Variants in WDR72 observed in about 807,000 individuals in gnomAD.
WDR72 encodes the protein WD repeat-containing protein 72.
A neutral mutation model predicts 124.2 loss-of-function variants in WDR72; 120 were observed. The ratio of observed to expected loss-of-function variants is 0.97; its 90% CI spans 0.83 to 1.12. The LOEUF (loss-of-function observed/expected upper bound fraction) is 1.12, where lower values mean the gene tolerates loss of function less well. WDR72 is among the 50% of genes most tolerant of loss of function. The pLI is 0.00. For missense variants in WDR72, 1,387 were observed against 1,278.8 expected, an observed-to-expected ratio of 1.08 and a Z score of -1.29; for synonymous variants, 452 against 441.7, an observed-to-expected ratio of 1.02 and a Z score of -0.29.
At chr15:53,753,790 A>G (rs562282773) in intron 1 of WDR72, among the ~76,000 whole-genome samples, 12 of 152,292 alleles carry the variant, frequency 7.9e-5, no homozygotes, top group African/African-American at 2.9e-4. Context: ...CTGAATGCCA[A>G]CTGTGTTCCA....
chr15:53,581,446 T>C (rs1055744130), intron 18 of WDR72, among the ~76,000 whole-genome samples: 2 of 152,096 alleles, frequency 1.3e-5, no homozygotes, highest in Admixed American at 6.6e-5. Flanking sequence ...AGTTGTTTCA[T>C]TTTTACAAAA....
intron 18 of WDR72, among the ~76,000 whole-genome samples, chr15:53,554,681 C>G (rs1393814431): frequency 1.3e-5 from 2 of 152,050 alleles, no homozygotes; most frequent in Non-Finnish European, 2.9e-5. Context: ...TATACATCAG[C>G]TGAACTGTGA....
intron 14 of WDR72, among the ~76,000 whole-genome samples, chr15:53,625,824 G>T (rs995348976): frequency 2.0e-5 from 3 of 151,594 alleles, no homozygotes; most frequent in Non-Finnish European, 4.4e-5. Flanking sequence ...TAATAGGTGT[G>T]AAAGTACAAG....
chr15:53,545,429 A>G (rs1474725237), intron 18 of WDR72, among the ~76,000 whole-genome samples: 1 of 150,424 alleles, frequency 6.6e-6, no homozygotes, highest in East Asian at 1.9e-4. Context: ...TCCCTATTTA[A>G]TAAACGGTGC....
At chr15:53,529,164 A>ATATATATATATATTTTTT (rs59003623) in intron 18 of WDR72, among the ~76,000 whole-genome samples, 3 of 78,168 alleles carry the variant, frequency 3.8e-5, no homozygotes, top group African/African-American at 1.5e-4. Context: ...ATATATATAT[A>ATATATATATATATTTTTT]TTTTTTTTTT....
chr15:53,740,808 T>G (rs148299290), intron 1 of WDR72, among the ~76,000 whole-genome samples: 1 of 152,194 alleles, frequency 6.6e-6, no homozygotes, highest in African/African-American at 2.4e-5. Flanking sequence ...AGGCTAGACT[T>G]AAATTTGAGC....
intron 13 of WDR72, among the ~76,000 whole-genome samples, chr15:53,697,999 A>C (rs2140515993): frequency 6.6e-6 from 1 of 152,244 alleles, no homozygotes; most frequent in African/African-American, 2.4e-5. Context: ...TTAGTAGACA[A>C]GAGCACTTAT....
chr15:53,618,444 G>T (rs1010155479), intron 14 of WDR72, among the ~76,000 whole-genome samples: 2 of 151,822 alleles, frequency 1.3e-5, no homozygotes, highest in Non-Finnish European at 1.5e-5. Flanking sequence ...TACTTTTATT[G>T]CCTCTGTTTT....
rs1445925680 is a variant in WDR72, at chr15:53,516,219, T to C, written c.*1480A>G. 1 of 152,162 alleles carries C rather than the reference T, an allele frequency of 6.6e-6. No homozygotes were observed. Among genetic ancestry groups the C allele is most frequent in the Non-Finnish European group, 1.5e-5 (1 of 68,004 alleles). 9.4% of individuals were successfully genotyped at this position (152,162 alleles called of 1,614,324 possible). ...AATGTAATTTCAAGCAGTAAAATCA[T>C]ATTTTAGGAAACAAAGAATGCACAC... On this transcript the variant is annotated 3_prime_UTR_variant, in exon 20 of 20. Coordinates refer to ENST00000360509, the MANE Select transcript of WDR72 (RefSeq NM_182758.4).
At chr15:53,523,473 C>A in intron 18 of WDR72, 151 bp from the exon 19 acceptor site, 1 of 752,706 alleles carries the variant, frequency 1.3e-6, no homozygotes. Flanking sequence ...TAAAATGTAT[C>A]CTCTAAGTAT....
At chr15:53,661,327 G>A (rs1328692807) in intron 14 of WDR72, among the ~76,000 whole-genome samples, 2 of 152,200 alleles carry the variant, frequency 1.3e-5, no homozygotes, top group South Asian at 2.1e-4. Context: ...ATGGCAGAAG[G>A]TGAACCAGAG....
At chr15:53,743,902 G>A (rs1259509501) in intron 1 of WDR72, among the ~76,000 whole-genome samples, 1 of 151,822 alleles carries the variant, frequency 6.6e-6, no homozygotes, top group Non-Finnish European at 1.5e-5. Context: ...GTGAACCCGG[G>A]AGGCGGAGCT....
chr15:53,535,137 A>G (rs1399834153), intron 18 of WDR72, among the ~76,000 whole-genome samples: 1 of 152,194 alleles, frequency 6.6e-6, no homozygotes, highest in African/African-American at 2.4e-5. Context: ...TCTCTAAAAG[A>G]ATACTGAATT....
chr15:53,589,258 T>C (rs927611881), intron 18 of WDR72, among the ~76,000 whole-genome samples: 9 of 151,864 alleles, frequency 5.9e-5, no homozygotes, highest in African/African-American at 2.2e-4. Flanking sequence ...GGTCCTAGGA[T>C]GGTGACTCTC....
intron 2 of WDR72, among the ~76,000 whole-genome samples, chr15:53,730,151 T>C (rs1389905114): frequency 6.6e-6 from 1 of 151,946 alleles, no homozygotes; most frequent in African/African-American, 2.4e-5. Flanking sequence ...ATAAACAAAA[T>C]GTGGTATATA....
intron 18 of WDR72, among the ~76,000 whole-genome samples, chr15:53,570,413 C>T (rs1249735028): frequency 2.6e-5 from 4 of 151,588 alleles, no homozygotes; most frequent in African/African-American, 7.3e-5. Context: ...AAACGCCATT[C>T]AAAAGTGGGC....
In WDR72 at chr15:53,630,980, AC is replaced by A. The variant is rs1245546424; in HGVS notation, c.1963-14738del. 7.9e-5 allele frequency among the ~76,000 whole-genome samples: 12 copies of A among 152,334 alleles called. No homozygotes were observed. The East Asian group carries it at 2.3e-3, about 29-fold the overall frequency. On this transcript the variant is annotated intron_variant, in intron 14 of 19. Transcript: ENST00000360509. ...AAACACTAAGGTATCCACAAAAAAA[AC>A]CTATTTGAACTAATAAATGAGTTTA...
At chr15:53,573,299 T>A (rs539104896) in intron 18 of WDR72, among the ~76,000 whole-genome samples, 24 of 152,320 alleles carry the variant, frequency 1.6e-4, no homozygotes, top group African/African-American at 5.5e-4. Context: ...CAGAAGGAAA[T>A]TCCACATTAA....
chr15:53,654,222 A>G (rs1043579371), intron 14 of WDR72, among the ~76,000 whole-genome samples: 3 of 152,186 alleles, frequency 2.0e-5, no homozygotes, highest in Non-Finnish European at 4.4e-5. Flanking sequence ...GGTAACCACA[A>G]GAGGGCTGCA....
Sources: allele counts gnomAD v4.1 joint callset (sites outside exome capture counted in the v4.1 genomes callset), GRCh38; gene constraint gnomAD v4.1.1; transcripts MANE v1.5; gene names NCBI Gene and HGNC (gene_info 2026-07-23, HGNC 2026-07-21).